Variants in AGBL1 observed in about 807,000 individuals in gnomAD.
The protein encoded by AGBL1 is AGBL carboxypeptidase 1.
AGBL1 carries 130 observed loss-of-function variants against 118.9 expected under a neutral mutation model. That is an observed-to-expected ratio of 1.09 (90% CI 0.95 to 1.26). The LOEUF is 1.26. AGBL1 is among the 50% of genes most tolerant of loss of function. AGBL1 has a pLI of 0.00. For synonymous variants in AGBL1, 555 were observed against 478.9 expected, an observed-to-expected ratio of 1.16 and a Z score of -2.08; for missense variants, 1,584 against 1,298.1, an observed-to-expected ratio of 1.22 and a Z score of -3.38.
chr15:86,241,866 G>A (rs1014217253), intron 6 of AGBL1, among the ~76,000 whole-genome samples: 6 of 152,152 alleles, frequency 3.9e-5, no homozygotes, highest in Admixed American at 1.3e-4. Flanking sequence ...TGAAGCTTCT[G>A]TTCTTCTTGT....
At chr15:86,653,438 G>A (rs1326980354) in intron 21 of AGBL1, among the ~76,000 whole-genome samples, 1 of 152,086 alleles carries the variant, frequency 6.6e-6, no homozygotes, top group South Asian at 2.1e-4. Flanking sequence ...TTGCACTCAG[G>A]CAAATAAACA....
At chr15:86,995,571 T>C (rs2081372453) in intron 24 of AGBL1, among the ~76,000 whole-genome samples, 1 of 152,150 alleles carries the variant, frequency 6.6e-6, no homozygotes, top group Non-Finnish European at 1.5e-5. Context: ...CCCTGAAGAT[T>C]ATTTCCAGAA....
rs866525837 is a variant in AGBL1, at chr15:86,765,577, A to T, written c.3158+91141A>T. 2.8e-4 allele frequency among the ~76,000 whole-genome samples: 42 copies of T among 152,136 alleles called. No individual in the cohort carries two copies. The Middle Eastern group carries it at 0.01, about 37-fold the overall frequency. ...GGAACACATTCCACATGGTAGGGAC[A>T]GCATTTACGATTCCCTGGAGCTTTA... On this transcript the variant is annotated intron_variant, in intron 22 of 22. Transcript: ENST00000614907.
chr15:87,008,716 T>C (rs2081528286), intron 24 of AGBL1, among the ~76,000 whole-genome samples: 1 of 152,146 alleles, frequency 6.6e-6, no homozygotes, highest in Non-Finnish European at 1.5e-5. Context: ...ATATGGACAA[T>C]GAAATCCAGG....
At chr15:86,900,143 C>T (rs558250110) in intron 22 of AGBL1, among the ~76,000 whole-genome samples, 22 of 152,172 alleles carry the variant, frequency 1.4e-4, no homozygotes, top group African/African-American at 3.6e-4. Flanking sequence ...AGACTGAAGG[C>T]GGCACTGTTG....
chr15:86,590,323 G>C (rs1596294987), intron 21 of AGBL1, among the ~76,000 whole-genome samples: 2 of 152,258 alleles, frequency 1.3e-5, no homozygotes, highest in East Asian at 3.9e-4. Flanking sequence ...ATTGAGTCAT[G>C]GGGGTGGTTA....
intron 21 of AGBL1, among the ~76,000 whole-genome samples, chr15:86,607,460 A>T (rs180796619): frequency 6.6e-6 from 1 of 152,176 alleles, no homozygotes; most frequent in African/African-American, 2.4e-5. Flanking sequence ...ACTGTATCCT[A>T]TGGTAAGAGT....
chr15:86,534,866 G>A (rs2083402919), intron 19 of AGBL1, among the ~76,000 whole-genome samples: 1 of 152,118 alleles, frequency 6.6e-6, no homozygotes, highest in Admixed American at 6.5e-5. Flanking sequence ...GACATAAATT[G>A]AACAGTGTTT....
At chr15:86,569,531 G>A (rs1596275707) in intron 21 of AGBL1, among the ~76,000 whole-genome samples, 1 of 151,892 alleles carries the variant, frequency 6.6e-6, no homozygotes, top group East Asian at 1.9e-4. Flanking sequence ...GTGATGCCTT[G>A]CTGTTGTCTC....
chr15:86,506,486 T>C (rs1345645211), intron 18 of AGBL1, among the ~76,000 whole-genome samples: 1 of 152,094 alleles, frequency 6.6e-6, no homozygotes, highest in Non-Finnish European at 1.5e-5. Context: ...ATTTGAGTCA[T>C]GTCAAATAAG....
At chr15:86,705,183 G>C (rs1159673110) in intron 22 of AGBL1, among the ~76,000 whole-genome samples, 1 of 152,098 alleles carries the variant, frequency 6.6e-6, no homozygotes, top group East Asian at 1.9e-4. Flanking sequence ...AATACCTAAT[G>C]CATGCAGGAC....
At chr15:86,569,057 A>C (rs548990744) in intron 21 of AGBL1, among the ~76,000 whole-genome samples, 1 of 152,264 alleles carries the variant, frequency 6.6e-6, no homozygotes, top group African/African-American at 2.4e-5. Flanking sequence ...CCCTTCTCAA[A>C]GTCTTGGAAA....
chr15:86,475,331 G>T (rs1046934430), intron 18 of AGBL1, among the ~76,000 whole-genome samples: 2 of 152,136 alleles, frequency 1.3e-5, no homozygotes, highest in African/African-American at 2.4e-5. Context: ...CTTGAAAAAA[G>T]ATTAGAAGAA....
intron 22 of AGBL1, among the ~76,000 whole-genome samples, chr15:86,773,286 G>A (rs533994769): frequency 6.6e-6 from 1 of 152,114 alleles, no homozygotes; most frequent in South Asian, 2.1e-4. Context: ...TACGGAGGAG[G>A]CACTCCTGAG....
At chr15:86,398,314 G>T (rs548168664) in intron 18 of AGBL1, among the ~76,000 whole-genome samples, 2 of 152,272 alleles carry the variant, frequency 1.3e-5, no homozygotes, top group South Asian at 4.2e-4. Flanking sequence ...GTGCATGAGG[G>T]TGACAGGATT....
intron 22 of AGBL1, among the ~76,000 whole-genome samples, chr15:86,736,538 C>T (rs932982751): frequency 1.3e-5 from 2 of 152,196 alleles, no homozygotes; most frequent in African/African-American, 4.8e-5. Flanking sequence ...ACTTCTGTAG[C>T]TTGCCCAAGG....
intron 21 of AGBL1, among the ~76,000 whole-genome samples, chr15:86,621,975 A>G (rs1164992441): frequency 6.6e-6 from 1 of 152,154 alleles, no homozygotes; most frequent in East Asian, 1.9e-4. Context: ...ACTATATGCA[A>G]TTAGAAACCA....
intron 18 of AGBL1, among the ~76,000 whole-genome samples, chr15:86,454,111 G>A (rs756465300): frequency 2.6e-5 from 4 of 151,804 alleles, no homozygotes; most frequent in Non-Finnish European, 4.4e-5. Context: ...TCTTTTTCTC[G>A]CTCTCTTCAC....
At chr15:86,403,827 C>T (rs1250793522) in intron 18 of AGBL1, among the ~76,000 whole-genome samples, 1 of 152,162 alleles carries the variant, frequency 6.6e-6, no homozygotes, top group East Asian at 1.9e-4. Context: ...ATGTAAGAAC[C>T]TTAACATGTT....
Sources: allele counts gnomAD v4.1 joint callset (sites outside exome capture counted in the v4.1 genomes callset), GRCh38; gene constraint gnomAD v4.1.1; transcripts MANE v1.5; gene names NCBI Gene and HGNC (gene_info 2026-07-23, HGNC 2026-07-21).